Variants in SLC35F4 observed in about 807,000 individuals in gnomAD.
SLC35F4 encodes the protein chromosome 14 open reading frame 36.
SLC35F4 carries 24 observed loss-of-function variants against 44.2 expected under a neutral mutation model. That is an observed-to-expected ratio of 0.54 (90% CI 0.39 to 0.76). The LOEUF is 0.76. Ranked by LOEUF, SLC35F4 falls within the 30% of genes least tolerant of loss-of-function variation. The pLI, the probability that SLC35F4 is intolerant of heterozygous loss-of-function variation, is 0.00. For missense variants in SLC35F4, 562 were observed against 586.1 expected, an observed-to-expected ratio of 0.96 and a Z score of 0.42; for synonymous variants, 238 against 223.6, an observed-to-expected ratio of 1.06 and a Z score of -0.57.
intron 1 of SLC35F4, among the ~76,000 whole-genome samples, chr14:57,654,828 T>C (rs995976605): frequency 6.6e-6 from 1 of 152,326 alleles, no homozygotes; most frequent in Non-Finnish European, 1.5e-5. Context: ...AGTTAGGACT[T>C]CAACATGAAC....
intron 1 of SLC35F4, among the ~76,000 whole-genome samples, chr14:57,751,664 T>C (rs562523080): frequency 1.3e-5 from 2 of 152,120 alleles, no homozygotes; most frequent in African/African-American, 2.4e-5. Flanking sequence ...CAAAATGAGA[T>C]TGTGTACAAA....
chr14:57,982,093 C>T (rs1881398034), upstream of SLC35F4: 1 of 152,106 alleles, frequency 6.6e-6, no homozygotes, highest in Non-Finnish European at 1.5e-5. Flanking sequence ...GGCTCCTCAC[C>T]CCCTTTCCCA....
At chr14:57,749,097 C>G (rs1330273166) in intron 1 of SLC35F4, among the ~76,000 whole-genome samples, 2 of 152,090 alleles carry the variant, frequency 1.3e-5, no homozygotes, top group Non-Finnish European at 2.9e-5. Context: ...ATAGATATGC[C>G]TGACATCAAT....
chr14:57,579,819 C>A (rs1473567555), intron 4 of SLC35F4, among the ~76,000 whole-genome samples: 1 of 152,196 alleles, frequency 6.6e-6, no homozygotes, highest in South Asian at 2.1e-4. Flanking sequence ...AAGGTCCCCA[C>A]CCTTGGCTCA....
Position 57,938,290 on chromosome 14 carries a change from G to A in SLC35F4, n.282+43623C>T, listed in dbSNP as rs867080792. On this transcript the variant is annotated intron_variant and non_coding_transcript_variant, in intron 1 of 1. Transcript: ENST00000556568. The stretch of plus-strand genomic sequence containing the variant: ...CAAGCAGACAGAGGAAAAAACAAAG[G>A]GGTAATATAAGAAGTAGTGTTCAGT... 3.3e-5 allele frequency among the ~76,000 whole-genome samples: 5 copies of A among 152,034 alleles called. No homozygotes were observed. In the South Asian group the frequency reaches 1.0e-3, roughly 31 times the overall value.
intron 1 of SLC35F4, among the ~76,000 whole-genome samples, chr14:57,604,736 A>G (rs2140003115): frequency 6.6e-6 from 1 of 152,366 alleles, no homozygotes; most frequent in South Asian, 2.1e-4. Flanking sequence ...ACAAAACAGC[A>G]TGGTACTGGT....
At chr14:57,573,519 A>T (rs1434756312) in intron 4 of SLC35F4, among the ~76,000 whole-genome samples, 1 of 152,164 alleles carries the variant, frequency 6.6e-6, no homozygotes, top group Non-Finnish European at 1.5e-5. Flanking sequence ...GGTGTCAAGG[A>T]GATTTCTAAA....
intron 1 of SLC35F4, among the ~76,000 whole-genome samples, chr14:57,769,621 G>T (rs1406836263): frequency 6.6e-6 from 1 of 152,118 alleles, no homozygotes; most frequent in Admixed American, 6.5e-5. Context: ...CTGAAGAGAG[G>T]CTGCACAGGC....
At chr14:57,782,166 T>C (rs1156491226) in intron 1 of SLC35F4, among the ~76,000 whole-genome samples, 1 of 152,196 alleles carries the variant, frequency 6.6e-6, no homozygotes, top group Non-Finnish European at 1.5e-5. Flanking sequence ...GAGTAATCTG[T>C]AAGACATATT....
chr14:57,662,007 C>G (rs1290901773), intron 1 of SLC35F4, among the ~76,000 whole-genome samples: 1 of 152,086 alleles, frequency 6.6e-6, no homozygotes, highest in Non-Finnish European at 1.5e-5. Context: ...CAAAATGTGT[C>G]CATGATTTAA....
At chr14:57,755,290 C>CAATGCA (rs2076970689) in intron 1 of SLC35F4, among the ~76,000 whole-genome samples, 1 of 152,150 alleles carries the variant, frequency 6.6e-6, no homozygotes, top group Admixed American at 6.5e-5. Flanking sequence ...ATCTAAATGA[C>CAATGCA]AATGCAGGGT....
intron 1 of SLC35F4, among the ~76,000 whole-genome samples, chr14:57,954,986 CA>C: frequency 7.1e-6 from 1 of 141,040 alleles, no homozygotes; most frequent in South Asian, 2.3e-4. Flanking sequence ...AAAGACACAG[CA>C]AAAAAAGAAA....
At chr14:57,644,995 C>A (rs1236127543) in intron 1 of SLC35F4, among the ~76,000 whole-genome samples, 1 of 152,162 alleles carries the variant, frequency 6.6e-6, no homozygotes, top group Non-Finnish European at 1.5e-5. Flanking sequence ...TGTTGTGGTA[C>A]AAGTACCATG....
Position 57,881,950 on chromosome 14 carries a change from G to A in SLC35F4, n.282+99963C>T, listed in dbSNP as rs192752258. On this transcript the variant is annotated intron_variant and non_coding_transcript_variant, in intron 1 of 1. Transcript: ENST00000556568. ...GACAGCATCTGGGCATATGTAAGAA[G>A]TTTAGCTTGCATAATTTGAGAGAGC... Among the ~76,000 whole-genome samples, 6 of 152,298 alleles carry A rather than the reference G, an allele frequency of 3.9e-5. No homozygotes were observed. The East Asian group carries it at 9.6e-4, about 24-fold the overall frequency.
chr14:57,582,490 C>A (rs1484342626), intron 3 of SLC35F4, among the ~76,000 whole-genome samples: 1 of 152,182 alleles, frequency 6.6e-6, no homozygotes, highest in African/African-American at 2.4e-5. Flanking sequence ...GCAAGAGCCA[C>A]TGCACCTGGC....
intron 1 of SLC35F4, among the ~76,000 whole-genome samples, chr14:57,768,276 A>G (rs1465707627): frequency 6.6e-6 from 1 of 152,212 alleles, no homozygotes; most frequent in Non-Finnish European, 1.5e-5. Flanking sequence ...ATGGGGATGT[A>G]TTTTTAAAAA....
chr14:57,890,867 T>C (rs1283274217), intron 1 of SLC35F4, among the ~76,000 whole-genome samples: 1 of 152,138 alleles, frequency 6.6e-6, no homozygotes, highest in Non-Finnish European at 1.5e-5. Context: ...ATATAAAACA[T>C]ATTGGCAAAC....
intron 1 of SLC35F4, among the ~76,000 whole-genome samples, chr14:57,845,290 T>C (rs916947108): frequency 6.6e-6 from 1 of 152,232 alleles, no homozygotes; most frequent in East Asian, 1.9e-4. Flanking sequence ...CTGGTAGCTA[T>C]GCCCTTGGGC....
At chr14:57,648,781 C>A (rs1416602619) in intron 1 of SLC35F4, among the ~76,000 whole-genome samples, 1 of 152,182 alleles carries the variant, frequency 6.6e-6, no homozygotes, top group African/African-American at 2.4e-5. Flanking sequence ...ATGATCTGAT[C>A]TTTGTAGAAT....
Sources: allele counts gnomAD v4.1 joint callset (sites outside exome capture counted in the v4.1 genomes callset), GRCh38; gene constraint gnomAD v4.1.1; transcripts MANE v1.5; gene names NCBI Gene and HGNC (gene_info 2026-07-23, HGNC 2026-07-21).